The following MCU variants were observed in gnomAD, a reference collection of about 807,000 sequenced individuals.
MCU encodes the protein mitochondrial calcium uniporter.
In MCU, 12 loss-of-function variants were observed where a neutral mutation model predicts 45.2. The ratio of observed to expected loss-of-function variants is 0.27; its 90% CI spans 0.17 to 0.43. The LOEUF is 0.43. MCU is among the 20% of genes least tolerant of loss of function. The pLI, the probability that MCU is intolerant of heterozygous loss-of-function variation, is 1.00. For missense variants in MCU, 324 were observed against 436.7 expected, an observed-to-expected ratio of 0.74 and a Z score of 2.30; for synonymous variants, 160 against 165.1, an observed-to-expected ratio of 0.97 and a Z score of 0.24.
intron 1 of MCU, among the ~76,000 whole-genome samples, chr10:72,772,434 C>T (rs1459870070): frequency 1.3e-5 from 2 of 152,134 alleles, no homozygotes; most frequent in East Asian, 1.9e-4. Flanking sequence ...CAGTGGCTCA[C>T]GCCTGCAATC....
intron 1 of MCU, among the ~76,000 whole-genome samples, chr10:72,750,810 A>G (rs780730400): frequency 6.4e-4 from 97 of 152,228 alleles, no homozygotes; most frequent in Middle Eastern, 3.4e-3. Flanking sequence ...AACCCCCCTG[A>G]CAACCTTTCA....
chr10:72,736,909 T>C (rs1437898467), intron 1 of MCU, among the ~76,000 whole-genome samples: 1 of 152,230 alleles, frequency 6.6e-6, no homozygotes, highest in Non-Finnish European at 1.5e-5. Flanking sequence ...AGGAAAAATG[T>C]GTTAGCATTT....
At chr10:72,844,797 AAAAAT>A (rs1350039022) in intron 2 of MCU, among the ~76,000 whole-genome samples, 1 of 152,212 alleles carries the variant, frequency 6.6e-6, no homozygotes, top group Non-Finnish European at 1.5e-5. Context: ...TGAAACTAGT[AAAAAT>A]AAAATGTAAG....
intron 1 of MCU, among the ~76,000 whole-genome samples, chr10:72,823,669 C>T (rs1411850736): frequency 1.3e-5 from 2 of 152,022 alleles, no homozygotes; most frequent in African/African-American, 4.8e-5. Context: ...TTTTAAAAAT[C>T]AAGCAAATAA....
chr10:72,807,431 A>G (rs542401657), intron 1 of MCU, among the ~76,000 whole-genome samples: 1 of 151,714 alleles, frequency 6.6e-6, no homozygotes, highest in South Asian at 2.1e-4. Flanking sequence ...AATGTGGTCT[A>G]AGCCAAGAAG....
chr10:72,827,268 T>C (rs1301782225), intron 1 of MCU, among the ~76,000 whole-genome samples: 1 of 152,198 alleles, frequency 6.6e-6, no homozygotes, highest in Non-Finnish European at 1.5e-5. Flanking sequence ...TAAAGATCTT[T>C]GCATTTGGGT....
intron 1 of MCU, among the ~76,000 whole-genome samples, chr10:72,761,543 CT>C (rs1467125962): frequency 6.6e-6 from 1 of 152,180 alleles, no homozygotes; most frequent in East Asian, 1.9e-4. Flanking sequence ...GGGGACCTGT[CT>C]TTTTGCAAGT....
At chr10:72,697,395 G>A (rs1407359664) in intron 1 of MCU, among the ~76,000 whole-genome samples, 2 of 149,182 alleles carry the variant, frequency 1.3e-5, no homozygotes, top group Admixed American at 1.4e-4. Context: ...GAGATTACAG[G>A]CATGAGCCAC....
At chr10:72,723,874 A>C (rs561867462) in intron 1 of MCU, among the ~76,000 whole-genome samples, 2 of 152,272 alleles carry the variant, frequency 1.3e-5, no homozygotes, top group South Asian at 4.1e-4. Context: ...GTTCTTTTAC[A>C]CTCACAAGTA....
At chr10:72,743,697 A>G (rs1843369574) in intron 1 of MCU, among the ~76,000 whole-genome samples, 1 of 152,202 alleles carries the variant, frequency 6.6e-6, no homozygotes, top group Non-Finnish European at 1.5e-5. Context: ...CAACAAATAC[A>G]GATTAATTTT....
chr10:72,748,130 C>T (rs1242757758), intron 1 of MCU, among the ~76,000 whole-genome samples: 10 of 151,910 alleles, frequency 6.6e-5, no homozygotes, highest in African/African-American at 2.4e-4. Flanking sequence ...TCACTGCAAC[C>T]TCTGCCTCCC....
intron 6 of MCU, among the ~76,000 whole-genome samples, chr10:72,874,505 T>C (rs987967900): frequency 6.6e-6 from 1 of 152,220 alleles, no homozygotes; most frequent in Admixed American, 6.5e-5. Flanking sequence ...ATTTTCTTTC[T>C]GTTGTTAGAT....
chr10:72,699,892 G>A (rs568885538), intron 1 of MCU, among the ~76,000 whole-genome samples: 5 of 150,400 alleles, frequency 3.3e-5, no homozygotes, highest in Middle Eastern at 3.6e-3. Flanking sequence ...GCGCCCGGCC[G>A]AAATGGTTTT....
chr10:72,859,459 C>CT, intron 3 of MCU, 112 bp downstream of exon 3: 1 of 989,608 alleles, frequency 1.0e-6, no homozygotes, highest in Non-Finnish European at 1.4e-6. Flanking sequence ...ATACTGTTAA[C>CT]TTCAGAAAAC....
At chr10:72,734,857 T>C (rs1843230434) in intron 1 of MCU, among the ~76,000 whole-genome samples, 2 of 152,046 alleles carry the variant, frequency 1.3e-5, no homozygotes, top group African/African-American at 4.8e-5. Flanking sequence ...GCTCAAGCTA[T>C]TCTCCCACCT....
intron 1 of MCU, among the ~76,000 whole-genome samples, chr10:72,824,470 A>G (rs1844765719): frequency 6.6e-6 from 1 of 151,628 alleles, no homozygotes; most frequent in African/African-American, 2.4e-5. Flanking sequence ...CAGCCTCCCA[A>G]AGTGCTGGGA....
chr10:72,878,111 C>CTTTTTTT (rs10715401), intron 6 of MCU, among the ~76,000 whole-genome samples: 24 of 77,952 alleles, frequency 3.1e-4, no homozygotes, highest in African/African-American at 4.7e-4. Context: ...AATAATTTTG[C>CTTTTTTT]TTTTTTTTTT....
At chr10:72,763,436 G>A (rs563262927) in intron 1 of MCU, among the ~76,000 whole-genome samples, 109 of 152,196 alleles carry the variant, frequency 7.2e-4, no homozygotes, top group African/African-American at 2.4e-3. Flanking sequence ...ATGAGTGAGG[G>A]AAAGGCATTT....
Position 72,871,527 on chromosome 10 carries a change from A to G in MCU, c.808A>G (p.Ile270Val). 2.5e-6 allele frequency: 4 copies of G among 1,614,216 alleles called. No homozygotes were observed. The highest frequency in any genetic ancestry group is 3.4e-6 in the Non-Finnish European group (4 of 1,180,024). ...CATCATGGAGCCAGTAACATACTTC[A>G]TCACTTATGGAAGTGCCATGGCAAT... ...WDIMEPVTYF[I>V]TYGSAMAMYA... The change falls in exon 6 of 8, where the codon ATC becomes GTC. Residue 270 changes from isoleucine to valine, a missense_variant. Coordinates refer to ENST00000373053, the MANE Select transcript of MCU (RefSeq NM_138357.3).
Sources: gnomAD v4.1 joint callset for allele counts (sites outside exome capture counted in the v4.1 genomes callset) on GRCh38, gnomAD v4.1.1 for gene constraint, MANE v1.5 for transcripts, NCBI Gene and HGNC (gene_info 2026-07-23, HGNC 2026-07-21) for gene names.